Variants in SBK3 observed in about 807,000 individuals in gnomAD.
SBK3 encodes the protein uncharacterized serine/threonine-protein kinase SBK3.
Under a neutral mutation model 12.7 loss-of-function variants are expected in SBK3, and 16 were observed. That is an observed-to-expected ratio of 1.26 (90% confidence interval 0.86 to 1.92). The LOEUF is 1.92. Among genes scored for constraint, SBK3 ranks in the 40% most tolerant of loss-of-function variants. SBK3 has a pLI of 0.00. For synonymous variants in SBK3, 217 were observed against 213.6 expected (o/e 1.02, Z -0.14); for missense variants, 462 against 481.8 (o/e 0.96, Z 0.38).
At position 55,544,815 on chromosome 19, in the gene SBK3, GGCAAGGAGCACGCGGCCGTAGGA is replaced by G; in HGVS notation, c.157_179del (p.Ser53ProfsTer107). ...TGAACTCACCCCCCTGGTGAGGCTGGGCAAGGAGCACGCGGCCGTAGGAGCCGGAGCCCAGCTTCCGGATGAGG... is the reference window on the plus strand; with the variant it reads ...TGAACTCACCCCCCTGGTGAGGCTGGGCCGGAGCCCAGCTTCCGGATGAGG... On this transcript the variant is annotated frameshift_variant, in exon 2 of 4. Coordinates refer to ENST00000612221, the MANE Select transcript of SBK3 (RefSeq NM_001199824.2). LOFTEE classifies it high-confidence loss of function. The G allele has an allele frequency of 1.3e-6, 2 of 1,521,744 alleles. No individual in the cohort carries two copies. Among genetic ancestry groups the G allele is most frequent in the African/African-American group, 2.8e-5 (2 of 72,630 alleles). The allele number at this position is 1,521,744 out of a possible 1,614,324, so 94.3% of individuals were successfully genotyped here.
At position 55,541,388 on chromosome 19, in the gene SBK3, C is replaced by A; in HGVS notation, c.538G>T (p.Ala180Ser). The A allele has an allele frequency of 6.5e-7, 1 of 1,535,808 alleles. No individual in the cohort carries two copies. Among genetic ancestry groups the A allele is most frequent in the East Asian group, 2.4e-5 (1 of 40,910 alleles). Residue 180 changes from alanine (A) to serine (S), a missense_variant, in exon 4 of 4, where the codon GCC becomes TCC. By Grantham distance (99) the Ala-to-Ser change is moderately conservative (BLOSUM62 1). Coordinates refer to ENST00000612221, the MANE Select transcript of SBK3 (RefSeq NM_001199824.2). This position sits in a 1 kb window ranked among gnomAD's most constrained non-coding sequence, Gnocchi z 5.3. Reference sequence around the variant, plus strand: ...CGGGTCAGACCCAGGTCTCCCAGGGCCACACGGCTGCAGACCGGGTCGAAG... The same window carrying A: ...CGGGTCAGACCCAGGTCTCCCAGGGACACACGGCTGCAGACCGGGTCGAAG... The part of the protein sequence containing the change: ...LVFDPVCSRV[A>S]LGDLGLTRPE...
At chr19:55,542,417 C>T (rs905264428) in intron 3 of SBK3, among the ~76,000 whole-genome samples, 1 of 150,826 alleles carries the variant, frequency 6.6e-6, no homozygotes, top group Non-Finnish European at 1.5e-5. Flanking sequence ...TCCATCCACC[C>T]ACCCACCCAT....
chr19:55,545,027 GC>G lies in SBK3; in HGVS notation c.46-79del. On this transcript the variant is annotated intron_variant, in intron 1 of 3. Coordinates refer to ENST00000612221, the MANE Select transcript of SBK3 (RefSeq NM_001199824.2). The surrounding 1 kb of genome is among the most constrained non-coding windows in gnomAD (Gnocchi z 4.4). The stretch of plus-strand genomic sequence containing the variant: ...TGGTGGGGGAGGAGGTCACGGCGCA[GC>G]CCCAGGATGGAGGGTGGGGCAGGGG... 2 of 1,133,006 alleles carry G rather than the reference GC, an allele frequency of 1.8e-6. No homozygotes were observed. The highest frequency in any genetic ancestry group is 2.5e-6 in the Non-Finnish European group (2 of 813,044). The allele number at this position is 1,133,006 out of a possible 1,614,324, so 70.2% of individuals were successfully genotyped here.
At position 55,541,942 on chromosome 19, in the gene SBK3, C is replaced by G. The variant is rs1988566509; in HGVS notation, c.400-416G>C. On this transcript the variant is annotated intron_variant, in intron 3 of 3. Transcript: ENST00000612221. This position sits in a 1 kb window ranked among gnomAD's most constrained non-coding sequence, Gnocchi z 5.3. ...AGTAGCTCCTTCTTTTAGCTTCTTT[C>G]AAAGATTCTCCTAACTCAAACACTC... Among the ~76,000 whole-genome samples the G allele has an allele frequency of 6.6e-6, 1 of 152,202 alleles. No individual in the cohort carries two copies. The highest frequency in any genetic ancestry group is 2.4e-5 in the African/African-American group (1 of 41,446).
In SBK3 at chr19:55,541,283, C is replaced by A. The variant is rs568564168; in HGVS notation, c.643G>T (p.Asp215Tyr). The A allele has an allele frequency of 3.2e-4, 488 of 1,535,746 alleles. 2 individuals carry two copies. In the South Asian group the frequency reaches 3.6e-3, roughly 11 times the overall value. ...PPELCLLLPP[D>Y]TLPLRPAVDS... is the part of the protein sequence containing the mutation. Reference sequence around the variant, plus strand: ...ACGGCTGGCCGCAGAGGCAGGGTGTCGGGCGGTAGCAGGAGACAGAGCTCA... The same window carrying A: ...ACGGCTGGCCGCAGAGGCAGGGTGTAGGGCGGTAGCAGGAGACAGAGCTCA... Residue 215 changes from aspartate (D) to tyrosine (Y), a missense_variant, in exon 4 of 4, where the codon GAC (aspartate) becomes TAC (tyrosine). Coordinates refer to ENST00000612221, the MANE Select transcript of SBK3 (RefSeq NM_001199824.2). This position sits in a 1 kb window ranked among gnomAD's most constrained non-coding sequence, Gnocchi z 5.3.
chr19:55,541,579 T>A lies in SBK3; in HGVS notation c.400-53A>T. The A allele has an allele frequency of 2.1e-6, 3 of 1,399,270 alleles. No homozygotes were observed. Among genetic ancestry groups the A allele is most frequent in the Non-Finnish European group, 2.8e-6 (3 of 1,052,842 alleles). 86.7% of individuals were successfully genotyped at this position (1,399,270 alleles called of 1,614,324 possible). ...CAGAGTGTCTTGGTTTTGTCTTTTTTATGTTGTCCAGGCTGGTCTCAAACT... is the reference window on the plus strand; with the variant it reads ...CAGAGTGTCTTGGTTTTGTCTTTTTAATGTTGTCCAGGCTGGTCTCAAACT... On this transcript the variant is annotated intron_variant, in intron 3 of 3. Coordinates refer to ENST00000612221, the MANE Select transcript of SBK3 (RefSeq NM_001199824.2). This position sits in a 1 kb window ranked among gnomAD's most constrained non-coding sequence, Gnocchi z 5.3.
In SBK3 at chr19:55,545,375, G is replaced by A; in HGVS notation, c.45+124C>T. The A allele has an allele frequency of 1.3e-6, 1 of 754,152 alleles. No individual in the cohort carries two copies. The highest frequency in any genetic ancestry group is 2.2e-6 in the Non-Finnish European group (1 of 460,626). 46.7% of individuals were successfully genotyped at this position (754,152 alleles called of 1,614,324 possible). A position where few individuals can be genotyped will look rare whatever the true frequency, so the allele number is the denominator to read the frequency against. Reference sequence around the variant, plus strand: ...TCTGTCATCCTCTCTCCCTGGGTCTGGGTCTCTGAGGTCTTTGCGTTTCCC... The same window carrying A: ...TCTGTCATCCTCTCTCCCTGGGTCTAGGTCTCTGAGGTCTTTGCGTTTCCC... On this transcript the variant is annotated intron_variant, in intron 1 of 3. Coordinates refer to ENST00000612221, the MANE Select transcript of SBK3 (RefSeq NM_001199824.2). This position sits in a 1 kb window ranked among gnomAD's most constrained non-coding sequence, Gnocchi z 4.4.
At position 55,544,133 on chromosome 19, in the gene SBK3, G is replaced by T; in HGVS notation, c.366C>A (p.Pro122=). 1 of 1,529,958 alleles carries T rather than the reference G, an allele frequency of 6.5e-7. No individual in the cohort carries two copies. The highest frequency in any genetic ancestry group is 8.7e-7 in the Non-Finnish European group (1 of 1,143,834). The allele number at this position is 1,529,958 out of a possible 1,614,324, so 94.8% of individuals were successfully genotyped here. A position where few individuals can be genotyped will look rare whatever the true frequency, so the allele number is the denominator to read the frequency against. The change falls in exon 3 of 4, where the codon CCC becomes CCA. Residue 122 remains proline (P), a synonymous_variant. Coordinates refer to ENST00000612221, the MANE Select transcript of SBK3 (RefSeq NM_001199824.2). The part of the protein sequence containing the change: ...RYFAFAQEYA[P]CGDLSGMLQE... ...GCAGCATCCCGCTGAGGTCCCCACA[G>T]GGCGCGTACTCCTGGGCGAAGGCAA...
chr19:55,540,754 C>G lies in SBK3; in HGVS notation c.*92G>C, dbSNP rs1433946104. ...GTGCAATGTGTTCCCTCTCTGTCCTCCCGGGTGCAGCTGTCTCTCCATCCA... is the reference window on the plus strand; with the variant it reads ...GTGCAATGTGTTCCCTCTCTGTCCTGCCGGGTGCAGCTGTCTCTCCATCCA... On this transcript the variant is annotated 3_prime_UTR_variant, in exon 4 of 4. Coordinates refer to ENST00000612221, the MANE Select transcript of SBK3 (RefSeq NM_001199824.2). The G allele has an allele frequency of 9.3e-7, 1 of 1,073,384 alleles. No individual in the cohort carries two copies. Among genetic ancestry groups the G allele is most frequent in the South Asian group, 1.3e-5 (1 of 74,706 alleles). The allele number at this position is 1,073,384 out of a possible 1,614,324, so 66.5% of individuals were successfully genotyped here. A position where few individuals can be genotyped will look rare whatever the true frequency, so the allele number is the denominator to read the frequency against.
intron 3 of SBK3, among the ~76,000 whole-genome samples, chr19:55,542,791 C>CT (rs1988585172): frequency 7.3e-6 from 1 of 136,572 alleles, no homozygotes; most frequent in Admixed American, 7.3e-5. Flanking sequence ...CATCCATCCA[C>CT]CCACCAATCC....
At position 55,541,237 on chromosome 19, in the gene SBK3, A is replaced by G; in HGVS notation, c.689T>C (p.Val230Ala). ...GGCAGTGGCAGCACAGAAGAGAAGC[A>G]CCCCCAGGCCCCAGGAGTCCACGGC... The part of the protein sequence containing the change: ...RPAVDSWGLG[V>A]LLFCAATACF... Residue 230 changes from valine to alanine, a missense_variant, in exon 4 of 4, where the codon GTG becomes GCG. By Grantham distance (64) the Val-to-Ala change is moderately conservative. Coordinates refer to ENST00000612221, the MANE Select transcript of SBK3 (RefSeq NM_001199824.2). The surrounding 1 kb of genome is among the most constrained non-coding windows in gnomAD (Gnocchi z 5.3). 1 of 1,535,872 alleles carries G rather than the reference A, an allele frequency of 6.5e-7. No homozygotes were observed. The highest frequency in any genetic ancestry group is 8.7e-7 in the Non-Finnish European group (1 of 1,146,862).
At chr19:55,544,554 G>A (rs535325621) in intron 2 of SBK3, among the ~76,000 whole-genome samples, 41 of 152,186 alleles carry the variant, frequency 2.7e-4, no homozygotes, top group Admixed American at 6.5e-4. Context: ...TAAGAGACAC[G>A]GTGGTGACTT....
At position 55,541,648 on chromosome 19, in the gene SBK3, G is replaced by A; in HGVS notation, c.400-122C>T. On this transcript the variant is annotated intron_variant, in intron 3 of 3. Transcript: ENST00000612221. This position sits in a 1 kb window ranked among gnomAD's most constrained non-coding sequence, Gnocchi z 5.3. ...TCCTGCCTTGGCCTCCCAAAGTGCT[G>A]GGATTATAGGCATGAGGCACTGCAC... 1 of 735,638 alleles carries A rather than the reference G, an allele frequency of 1.4e-6. No individual in the cohort carries two copies. The highest frequency in any genetic ancestry group is 2.1e-6 in the Non-Finnish European group (1 of 465,626). 45.6% of individuals were successfully genotyped at this position (735,638 alleles called of 1,614,324 possible).
In SBK3 at chr19:55,541,974, A is replaced by G. The variant is rs1988566819; in HGVS notation, c.400-448T>C. On this transcript the variant is annotated intron_variant, in intron 3 of 3. Coordinates refer to ENST00000612221, the MANE Select transcript of SBK3 (RefSeq NM_001199824.2). This position sits in a 1 kb window ranked among gnomAD's most constrained non-coding sequence, Gnocchi z 5.3. ...TCTCCTAACTCAAACACTCAGGCCC[A>G]CTGTGAACATTTCTTATATATCTTT... 6.6e-6 allele frequency among the ~76,000 whole-genome samples: 1 copy of G among 152,190 alleles called. No homozygotes were observed. The highest frequency in any genetic ancestry group is 1.5e-5 in the Non-Finnish European group (1 of 68,026).
In SBK3 at chr19:55,545,313, C is replaced by T. The variant is rs1370088164; in HGVS notation, c.45+186G>A. On this transcript the variant is annotated intron_variant, in intron 1 of 3. Transcript: ENST00000612221. This position sits in a 1 kb window ranked among gnomAD's most constrained non-coding sequence, Gnocchi z 4.4. The stretch of plus-strand genomic sequence containing the variant: ...CCGCTGTGTGTTTCTGAGTCCAATT[C>T]TCTGGGGGCCTTGGTCTCGCTGTGT... The T allele has an allele frequency of 1.7e-6, 1 of 602,052 alleles. No homozygotes were observed. 37.3% of individuals were successfully genotyped at this position (602,052 alleles called of 1,614,324 possible).
chr19:55,541,929 T>C lies in SBK3; in HGVS notation c.400-403A>G, dbSNP rs1988566396. ...CCCAGTTATAACCAGTAGCTCCTTC[T>C]TTTAGCTTCTTTCAAAGATTCTCCT... is the stretch of plus-strand genomic sequence containing the variant. On this transcript the variant is annotated intron_variant, in intron 3 of 3. Coordinates refer to ENST00000612221, the MANE Select transcript of SBK3 (RefSeq NM_001199824.2). The surrounding 1 kb of genome is among the most constrained non-coding windows in gnomAD (Gnocchi z 5.3). Among the ~76,000 whole-genome samples, 1 of 152,200 alleles carries C rather than the reference T, an allele frequency of 6.6e-6. No homozygotes were observed. The highest frequency in any genetic ancestry group is 1.5e-5 in the Non-Finnish European group (1 of 68,036).
rs758463178 is a variant in SBK3 at position 55,540,679 on chromosome 19, C to T, written c.*167G>A. ...AGGGGCAGGAGCTGGGCTCTTGGGT[C>T]CTCAGTTGGAAGAGGAATGCGCGTC... is the stretch of plus-strand genomic sequence containing the variant. On this transcript the variant is annotated 3_prime_UTR_variant, in exon 4 of 4. Coordinates refer to ENST00000612221, the MANE Select transcript of SBK3 (RefSeq NM_001199824.2). 2.7e-4 allele frequency: 180 copies of T among 673,484 alleles called. 2 individuals carry two copies. In the South Asian group the frequency reaches 2.8e-3, roughly 11 times the overall value. 41.7% of individuals were successfully genotyped at this position (673,484 alleles called of 1,614,324 possible).
Position 55,541,666 on chromosome 19 carries a change from C to G in SBK3, c.400-140G>C, listed in dbSNP as rs1191846533. On this transcript the variant is annotated intron_variant, in intron 3 of 3. Transcript: ENST00000612221. This position sits in a 1 kb window ranked among gnomAD's most constrained non-coding sequence, Gnocchi z 5.3. ...AAGTGCTGGGATTATAGGCATGAGG[C>G]ACTGCACCAGTTGGTTCCTTCTGAA... The G allele has an allele frequency of 1.4e-5, 9 of 626,910 alleles. No homozygotes were observed. The highest frequency in any genetic ancestry group is 2.4e-5 in the Non-Finnish European group (9 of 373,998). The allele number at this position is 626,910 out of a possible 1,614,324, so 38.8% of individuals were successfully genotyped here.
Position 55,545,423 on chromosome 19 carries a change from C to G in SBK3, c.45+76G>C. On this transcript the variant is annotated intron_variant, in intron 1 of 3. Transcript: ENST00000612221. This position sits in a 1 kb window ranked among gnomAD's most constrained non-coding sequence, Gnocchi z 4.4. The stretch of plus-strand genomic sequence containing the variant: ...CCCTGTTTTCTGTTTCTCTTCCTCT[C>G]TCTCCCCGTGTTGCCTCCTGCCTCT... 8.3e-7 allele frequency: 1 copy of G among 1,204,632 alleles called. No individual in the cohort carries two copies. Among genetic ancestry groups the G allele is most frequent in the Middle Eastern group, 1.9e-4 (1 of 5,248 alleles). 74.6% of individuals were successfully genotyped at this position (1,204,632 alleles called of 1,614,324 possible). A position where few individuals can be genotyped will look rare whatever the true frequency, so the allele number is the denominator to read the frequency against.
Sources: gnomAD v4.1 joint callset for allele counts (sites outside exome capture counted in the v4.1 genomes callset) on GRCh38, gnomAD v4.1.1 for gene constraint, Gnocchi (gnomAD v3.1) non-coding constraint, MANE v1.5 for transcripts, NCBI Gene and HGNC (gene_info 2026-07-23, HGNC 2026-07-21) for gene names.